NOS1: variants seen among roughly 807,000 people sequenced by gnomAD.
NOS1 encodes the protein nitric oxide synthase 1.
A neutral mutation model predicts 164.5 loss-of-function variants in NOS1; 51 were observed. That is an observed-to-expected ratio of 0.31 (90% CI 0.25 to 0.39). The LOEUF is 0.39. NOS1 is among the 10% of genes least tolerant of loss of function. The pLI, the probability that NOS1 is intolerant of heterozygous loss-of-function variation, is 1.00. For synonymous variants in NOS1, 719 were observed against 745.8 expected (o/e 0.96, Z 0.59); for missense variants, 1,362 against 1,885.6 (o/e 0.72, Z 5.14).
intron 7 of NOS1, among the ~76,000 whole-genome samples, chr12:117,281,389 G>A (rs180680103): frequency 1.8e-4 from 27 of 151,942 alleles, no homozygotes; most frequent in East Asian, 5.8e-4. Flanking sequence ...GTGTGGTGGC[G>A]CACGCCTGTA....
intron 2 of NOS1, among the ~76,000 whole-genome samples, chr12:117,329,416 A>G (rs1197683660): frequency 1.3e-5 from 2 of 152,012 alleles, no homozygotes; most frequent in Admixed American, 6.5e-5. Flanking sequence ...AGGGTTGGGA[A>G]ATCTTGGCCT....
chr12:117,281,843 A>AG (rs1229117544), intron 7 of NOS1, among the ~76,000 whole-genome samples: 1 of 151,360 alleles, frequency 6.6e-6, no homozygotes, highest in African/African-American at 2.4e-5. Flanking sequence ...AAAAGAAAAA[A>AG]AAAAAAAAAA....
At chr12:117,305,173 C>T (rs1433737712) in intron 3 of NOS1, 1 of 728,748 alleles carries the variant, frequency 1.4e-6, no homozygotes, top group Non-Finnish European at 1.7e-6. Context: ...AGGATAGAAG[C>T]TGATTCCGGC....
At chr12:117,236,653 C>A (rs780708515) in intron 20 of NOS1, among the ~76,000 whole-genome samples, 1 of 152,134 alleles carries the variant, frequency 6.6e-6, no homozygotes, top group Non-Finnish European at 1.5e-5. Context: ...TCGCAGAAGC[C>A]GGGGCCAGCA....
chr12:117,274,786 A>AG (rs1873048747), intron 9 of NOS1, among the ~76,000 whole-genome samples: 1 of 151,120 alleles, frequency 6.6e-6, no homozygotes, highest in South Asian at 2.1e-4. Flanking sequence ...AAAAAAAAAA[A>AG]AAAAAGAAAG....
intron 12 of NOS1, 130 bp downstream of exon 12, chr12:117,265,186 A>G: frequency 4.3e-6 from 3 of 699,452 alleles, no homozygotes; most frequent in Non-Finnish European, 6.6e-6. Flanking sequence ...CCTGTGCAAT[A>G]TGGTAGCCAC....
At chr12:117,336,457 A>T (rs1252112671) in intron 1 of NOS1, among the ~76,000 whole-genome samples, 1 of 152,192 alleles carries the variant, frequency 6.6e-6, no homozygotes, top group Non-Finnish European at 1.5e-5. Context: ...CGCTTGACAC[A>T]CATGGCCATT....
At chr12:117,265,218 T>G (rs1160610158) in intron 12 of NOS1, 98 bp downstream of exon 12, 28 of 1,065,290 alleles carry the variant, frequency 2.6e-5, no homozygotes, top group Non-Finnish European at 3.6e-5. Flanking sequence ...GGCTATTGAG[T>G]GTCCAGAGCA....
intron 10 of NOS1, 130 bp from the exon 11 acceptor site, chr12:117,268,274 A>G (rs952497754): frequency 3.0e-6 from 2 of 662,278 alleles, no homozygotes; most frequent in East Asian, 5.8e-5. Flanking sequence ...TCTGTCGCAC[A>G]GGCTGGAGTG....
intron 3 of NOS1, among the ~76,000 whole-genome samples, chr12:117,291,527 G>GTTTTTTTTT (rs1241389127): frequency 8.7e-5 from 7 of 80,800 alleles, no homozygotes; most frequent in Non-Finnish European, 1.2e-4. Flanking sequence ...GATTACATCT[G>GTTTTTTTTT]TCTTTTTTTT....
At chr12:117,240,562 A>T (rs1870082092) in intron 20 of NOS1, among the ~76,000 whole-genome samples, 1 of 152,244 alleles carries the variant, frequency 6.6e-6, no homozygotes, top group South Asian at 2.1e-4. Context: ...GGTCGGTGTG[A>T]CCTTGAGAAA....
intron 16 of NOS1, among the ~76,000 whole-genome samples, chr12:117,256,860 T>A (rs1871499968): frequency 6.6e-6 from 1 of 151,244 alleles, no homozygotes; most frequent in Admixed American, 6.6e-5. Flanking sequence ...TCACCTGAGG[T>A]CAGGAGTTCG....
rs116040834 is a variant in NOS1 at position 117,308,127 on chromosome 12, T to C, written c.852+3339A>G. Among the ~76,000 whole-genome samples the C allele has an allele frequency of 8.0e-3, 1,209 of 152,056 alleles. 16 individuals carry two copies. The highest frequency in any genetic ancestry group is 0.027 in the African/African-American group (1,103 of 41,488). On this transcript the variant is annotated intron_variant, in intron 3 of 28. Coordinates refer to ENST00000317775, the MANE Select transcript of NOS1 (RefSeq NM_000620.5). ...ACTGGCCTTAATAAGAGGGAGACAA[T>C]AGGGAGTGGTGAGGTTTGTGGCCAA...
chr12:117,224,387 G>C (rs954546181), intron 25 of NOS1, among the ~76,000 whole-genome samples: 1 of 152,074 alleles, frequency 6.6e-6, no homozygotes, highest in African/African-American at 2.4e-5. Context: ...CCGGGTTCAC[G>C]CCATTCTCTC....
chr12:117,315,450 G>A (rs964695468), intron 2 of NOS1, among the ~76,000 whole-genome samples: 2 of 152,170 alleles, frequency 1.3e-5, no homozygotes, highest in East Asian at 1.9e-4. Context: ...CTGGCCTCGA[G>A]TGATCCACCC....
At chr12:117,299,645 AAAAAG>A (rs1205574575) in intron 3 of NOS1, among the ~76,000 whole-genome samples, 15 of 143,932 alleles carry the variant, frequency 1.0e-4, no homozygotes, top group African/African-American at 3.8e-4. Context: ...CAAAAAAAAA[AAAAAG>A]AAAAAAAGAA....
intron 7 of NOS1, among the ~76,000 whole-genome samples, chr12:117,284,705 A>G (rs1873962130): frequency 6.6e-6 from 1 of 152,194 alleles, no homozygotes; most frequent in East Asian, 1.9e-4. Flanking sequence ...TGCAAACCAC[A>G]CAGGAATCCA....
chr12:117,305,780 A>T (rs1488030904), intron 3 of NOS1, among the ~76,000 whole-genome samples: 2 of 149,048 alleles, frequency 1.3e-5, no homozygotes, highest in African/African-American at 4.9e-5. Context: ...ATGATTTCGC[A>T]GGCCCGTGAC....
chr12:117,327,786 C>T (rs1026147819), intron 2 of NOS1, among the ~76,000 whole-genome samples: 6 of 151,896 alleles, frequency 4.0e-5, no homozygotes, highest in East Asian at 1.9e-4. Context: ...GGGAATGTAC[C>T]GAGGAAAAAA....
Sources: allele counts gnomAD v4.1 joint callset (sites outside exome capture counted in the v4.1 genomes callset), GRCh38; gene constraint gnomAD v4.1.1; transcripts MANE v1.5; gene names NCBI Gene and HGNC (gene_info 2026-07-23, HGNC 2026-07-21).